The following SSH1 variants were observed in gnomAD, a reference collection of about 807,000 sequenced individuals.
SSH1 encodes slingshot protein phosphatase 1.
In SSH1, 43 loss-of-function variants were observed where a neutral mutation model predicts 79.7. That is an observed-to-expected ratio of 0.54 (90% confidence interval 0.42 to 0.70). The LOEUF (loss-of-function observed/expected upper bound fraction) is 0.70, where lower values mean the gene tolerates loss of function less well. SSH1 is among the 30% of genes least tolerant of loss of function. The pLI, the probability that SSH1 is intolerant of heterozygous loss-of-function variation, is 0.00. For missense variants in SSH1, 1,206 were observed against 1,358.8 expected, an observed-to-expected ratio of 0.89 and a Z score of 1.77; for synonymous variants, 599 against 538.3, an observed-to-expected ratio of 1.11 and a Z score of -1.56.
intron 3 of SSH1, among the ~76,000 whole-genome samples, chr12:108,820,820 C>T (rs542953211): frequency 1.3e-5 from 2 of 152,308 alleles, no homozygotes; most frequent in African/African-American, 2.4e-5. Context: ...GTCTAGTCTG[C>T]GTCTGTCCCA....
intron 2 of SSH1, among the ~76,000 whole-genome samples, chr12:108,825,264 T>G (rs181103051): frequency 6.6e-6 from 1 of 152,342 alleles, no homozygotes; most frequent in Admixed American, 6.5e-5. Context: ...AAGACGAAGA[T>G]GTTTTCTGTA....
At chr12:108,838,777 G>C (rs1042702594) in intron 2 of SSH1, among the ~76,000 whole-genome samples, 1 of 152,172 alleles carries the variant, frequency 6.6e-6, no homozygotes, top group African/African-American at 2.4e-5. Context: ...TTCTTCCGAG[G>C]AACTGATCTG....
intron 2 of SSH1, among the ~76,000 whole-genome samples, chr12:108,826,936 G>T (rs779041150): frequency 6.6e-6 from 1 of 151,826 alleles, no homozygotes; most frequent in Non-Finnish European, 1.5e-5. Context: ...GTTACAAAAG[G>T]TCAGACGCAG....
chr12:108,844,460 A>G (rs189853729), intron 2 of SSH1, among the ~76,000 whole-genome samples: 146 of 152,236 alleles, frequency 9.6e-4, no homozygotes, highest in Middle Eastern at 3.4e-3. Context: ...GTCTCTTCCC[A>G]TGAGCACCAG....
intron 2 of SSH1, chr12:108,826,050 GACA>G (rs2038296438): frequency 7.0e-6 from 3 of 430,916 alleles, no homozygotes; most frequent in South Asian, 3.3e-5. Context: ...ATCTTTTCGA[GACA>G]ACATCAACTG....
intron 2 of SSH1, among the ~76,000 whole-genome samples, chr12:108,837,964 T>C (rs937819158): frequency 1.3e-5 from 2 of 152,032 alleles, no homozygotes; most frequent in African/African-American, 4.8e-5. Context: ...TTAATTTTTT[T>C]GTAGAGACAG....
At chr12:108,839,534 G>A (rs929950931) in intron 2 of SSH1, among the ~76,000 whole-genome samples, 2 of 152,192 alleles carry the variant, frequency 1.3e-5, no homozygotes, top group African/African-American at 4.8e-5. Flanking sequence ...CACGCCTCGA[G>A]GACTCTTGGC....
Position 108,788,873 on chromosome 12 carries a change from G to C in SSH1, c.2265C>G (p.Leu755=). The change falls in exon 15 of 15, where the codon CTC becomes CTG. Residue 755 remains leucine, a synonymous_variant. Coordinates refer to ENST00000326495, the MANE Select transcript of SSH1 (RefSeq NM_018984.4). ...RETPKVLPKS[L]LLKNSHCDKN... ...TATCACAGTGAGAATTCTTCAAAAGGAGGGACTTTGGCAGGACTTTTGGGG... is the reference window on the plus strand; with the variant it reads ...TATCACAGTGAGAATTCTTCAAAAGCAGGGACTTTGGCAGGACTTTTGGGG... 1.2e-6 allele frequency: 2 copies of C among 1,614,206 alleles called. No individual in the cohort carries two copies. Among genetic ancestry groups the C allele is most frequent in the South Asian group, 1.1e-5 (1 of 91,088 alleles).
rs765882839 is a variant in SSH1 at position 108,817,048 on chromosome 12, T to C, written c.391A>G (p.Ser131Gly). Residue 131 changes from serine to glycine, a missense_variant, in exon 5 of 15, where the codon AGT becomes GGT. Ser to Gly is a moderately conservative substitution (Grantham distance 56, BLOSUM62 0). Coordinates refer to ENST00000326495, the MANE Select transcript of SSH1 (RefSeq NM_018984.4). ...ENILLGVDFSSKESKSCTIGM... is the reference protein window; with the variant it reads ...ENILLGVDFSGKESKSCTIGM... Reference sequence around the variant, plus strand: ...GCCCATCAGACTCACCTTTCCTTACTGGAAAAGTCCACTCCCAGCAAGATA... The same window carrying C: ...GCCCATCAGACTCACCTTTCCTTACCGGAAAAGTCCACTCCCAGCAAGATA... 1.2e-6 allele frequency: 2 copies of C among 1,614,036 alleles called. No individual in the cohort carries two copies. Among genetic ancestry groups the C allele is most frequent in the South Asian group, 2.2e-5 (2 of 91,084 alleles).
At chr12:108,792,078 C>T (rs949012951) in intron 14 of SSH1, 2 of 1,457,446 alleles carry the variant, frequency 1.4e-6, no homozygotes, top group South Asian at 1.5e-5. Context: ...ATAAGGTATG[C>T]ACTACGTACC....
In SSH1 at chr12:108,785,130, G is replaced by C. The variant is rs759342367; in HGVS notation, c.*2858C>G. On this transcript the variant is annotated 3_prime_UTR_variant, in exon 15 of 15. Transcript: ENST00000326495. ...TGTTCATACAGCATTTTATTTTTTT[G>C]AGACGGAGTTTCACTCCCAGTTTCA... The C allele has an allele frequency of 9.2e-5, 14 of 152,110 alleles. No individual in the cohort carries two copies. The highest frequency in any genetic ancestry group is 8.8e-5 in the Non-Finnish European group (6 of 68,020). The allele number at this position is 152,110 out of a possible 1,614,324, so 9.4% of individuals were successfully genotyped here. A position where few individuals can be genotyped will look rare whatever the true frequency, so the allele number is the denominator to read the frequency against.
chr12:108,813,145 G>C (rs1183516658), intron 5 of SSH1, among the ~76,000 whole-genome samples: 1 of 152,166 alleles, frequency 6.6e-6, no homozygotes, highest in Non-Finnish European at 1.5e-5. Context: ...TGGGAAGCAG[G>C]AAAGGGATAC....
At chr12:108,795,895 T>A (rs1294274337) in intron 13 of SSH1, among the ~76,000 whole-genome samples, 1 of 152,082 alleles carries the variant, frequency 6.6e-6, no homozygotes, top group African/African-American at 2.4e-5. Context: ...ATTTATATAT[T>A]TAAACAATTT....
intron 9 of SSH1, among the ~76,000 whole-genome samples, chr12:108,805,390 T>A (rs921780257): frequency 1.3e-5 from 2 of 152,200 alleles, no homozygotes; most frequent in Non-Finnish European, 2.9e-5. Flanking sequence ...TAAACCCAAC[T>A]GGGTAAAGTT....
intron 2 of SSH1, chr12:108,833,712 T>C (rs1195768289): frequency 1.3e-5 from 2 of 152,262 alleles, no homozygotes; most frequent in East Asian, 3.8e-4. Flanking sequence ...CTGTCTAGTA[T>C]GGGAGCCACT....
Position 108,805,074 on chromosome 12 carries a change from GA to G in SSH1, c.935del (p.Ile312ThrfsTer28). 1 of 1,614,190 alleles carries G rather than the reference GA, an allele frequency of 6.2e-7. No individual in the cohort carries two copies. Among genetic ancestry groups the G allele is most frequent in the Non-Finnish European group, 8.5e-7 (1 of 1,180,038 alleles). ...CTCTTACGAGATAAAGATGATCGAA[GA>G]TAAGGGAGGGCTTGTCCATCTGTCC... ...ILGQMDKPSL[I>X]FDHLYLGSEW... On this transcript the variant is annotated frameshift_variant, in exon 10 of 15. Transcript: ENST00000326495. LOFTEE classifies it high-confidence loss of function.
At chr12:108,819,706 G>A (rs1256630820) in intron 3 of SSH1, among the ~76,000 whole-genome samples, 3 of 152,112 alleles carry the variant, frequency 2.0e-5, no homozygotes, top group Admixed American at 6.5e-5. Context: ...GTTCACATCT[G>A]TAGTCCCAGC....
rs2036132167 is a variant in SSH1 at position 108,780,034 on chromosome 12, G to A, written c.*7954C>T. 1 of 152,194 alleles carries A rather than the reference G, an allele frequency of 6.6e-6. No homozygotes were observed. The highest frequency in any genetic ancestry group is 2.4e-5 in the African/African-American group (1 of 41,434). 9.4% of individuals were successfully genotyped at this position (152,194 alleles called of 1,614,324 possible). On this transcript the variant is annotated 3_prime_UTR_variant, in exon 15 of 15. Coordinates refer to ENST00000326495, the MANE Select transcript of SSH1 (RefSeq NM_018984.4). ...CAATGCCCAGTTTGGAGAATTCCAG[G>A]GGATTCTTTATGTAAAGCACATAGA...
rs2036146199 is a variant in SSH1, at chr12:108,781,510, T to C, written c.*6478A>G. 1 of 152,252 alleles carries C rather than the reference T, an allele frequency of 6.6e-6. No homozygotes were observed. The allele number at this position is 152,252 out of a possible 1,614,324, so 9.4% of individuals were successfully genotyped here. On this transcript the variant is annotated 3_prime_UTR_variant, in exon 15 of 15. Transcript: ENST00000326495. ...GTAAAGTAATAAACTTGCATTCTGG[T>C]TTATTCATCAGTCTTTTGAGTCCAG...
Sources: allele counts gnomAD v4.1 joint callset (sites outside exome capture counted in the v4.1 genomes callset), GRCh38; gene constraint gnomAD v4.1.1; transcripts MANE v1.5; gene names NCBI Gene and HGNC (gene_info 2026-07-23, HGNC 2026-07-21).